CNTNAP2: variants seen among roughly 807,000 people sequenced by gnomAD.
The protein encoded by CNTNAP2 is contactin associated protein 2.
CNTNAP2 carries 98 observed loss-of-function variants against 155.2 expected under a neutral mutation model. That is an observed-to-expected ratio of 0.63 (90% confidence interval 0.54 to 0.75). The LOEUF (loss-of-function observed/expected upper bound fraction) is 0.75, where lower values mean the gene tolerates loss of function less well. CNTNAP2 is among the 30% of genes least tolerant of loss of function. The pLI, the probability that CNTNAP2 is intolerant of heterozygous loss-of-function variation, is 0.00. For synonymous variants in CNTNAP2, 651 were observed against 631.2 expected (o/e 1.03, Z -0.47); for missense variants, 1,727 against 1,688.1 (o/e 1.02, Z -0.40).
At chr7:146,946,727 A>T (rs1797183871) in intron 3 of CNTNAP2, among the ~76,000 whole-genome samples, 1 of 149,076 alleles carries the variant, frequency 6.7e-6, no homozygotes, top group African/African-American at 2.6e-5. Context: ...AAGGAGAAGT[A>T]AATTTATTCC....
intron 14 of CNTNAP2, among the ~76,000 whole-genome samples, chr7:147,962,053 T>C (rs1041335669): frequency 9.1e-5 from 6 of 66,012 alleles, no homozygotes; most frequent in Admixed American, 5.9e-4. Flanking sequence ...TATTCAGTTA[T>C]AAATAAACTA....
chr7:146,193,846 T>G (rs1798740982), intron 1 of CNTNAP2, among the ~76,000 whole-genome samples: 1 of 152,224 alleles, frequency 6.6e-6, no homozygotes, highest in African/African-American at 2.4e-5. Flanking sequence ...TGCTTCCTCT[T>G]AATCACTTTG....
At chr7:146,731,435 C>T (rs1005118525) in intron 1 of CNTNAP2, among the ~76,000 whole-genome samples, 1 of 151,042 alleles carries the variant, frequency 6.6e-6, no homozygotes, top group Non-Finnish European at 1.5e-5. Flanking sequence ...TTAATATTTG[C>T]TTAACTGTTT....
chr7:147,287,099 C>T (rs770351986), intron 8 of CNTNAP2, among the ~76,000 whole-genome samples: 9 of 151,988 alleles, frequency 5.9e-5, no homozygotes, highest in African/African-American at 1.7e-4. Context: ...TTTGCAGTGG[C>T]GGAGACTACG....
chr7:147,712,465 T>C (rs1333000422), intron 13 of CNTNAP2, among the ~76,000 whole-genome samples: 1 of 152,194 alleles, frequency 6.6e-6, no homozygotes, highest in African/African-American at 2.4e-5. Context: ...ATTGCGGCAC[T>C]ATTCACAATA....
intron 1 of CNTNAP2, among the ~76,000 whole-genome samples, chr7:146,765,717 G>A (rs1485938469): frequency 2.0e-5 from 3 of 152,202 alleles, no homozygotes; most frequent in Admixed American, 6.5e-5. Context: ...AAACAAGACA[G>A]TGTGATAGAA....
intron 1 of CNTNAP2, among the ~76,000 whole-genome samples, chr7:146,390,240 G>A (rs1795520732): frequency 6.6e-6 from 1 of 151,844 alleles, no homozygotes; most frequent in South Asian, 2.1e-4. Context: ...GTAAATATTT[G>A]TAAATTTACT....
chr7:148,383,913 AG>A, intron 22 of CNTNAP2, 25 bp downstream of exon 22: 1 of 1,605,820 alleles, frequency 6.2e-7, no homozygotes, highest in Non-Finnish European at 8.5e-7. Context: ...AACCTCAGGC[AG>A]GTTGCTTCAT....
intron 14 of CNTNAP2, among the ~76,000 whole-genome samples, chr7:147,933,854 C>A (rs897511624): frequency 2.0e-5 from 3 of 152,066 alleles, no homozygotes; most frequent in Admixed American, 6.6e-5. Flanking sequence ...CAGAGTGAGA[C>A]TCTATCTCAA....
chr7:147,221,072 A>G (rs1243381088), intron 8 of CNTNAP2, among the ~76,000 whole-genome samples: 1 of 151,884 alleles, frequency 6.6e-6, no homozygotes, highest in African/African-American at 2.4e-5. Context: ...ATGCATTTAT[A>G]TATAATCCAA....
chr7:147,310,746 G>T (rs1479840), intron 9 of CNTNAP2, among the ~76,000 whole-genome samples: 74,593 of 151,930 alleles, frequency 0.49, 19,493 homozygotes, highest in East Asian at 0.73. Context: ...AAAATTCAAA[G>T]AGACATGTTA....
chr7:148,297,766 G>A (rs138332571), intron 21 of CNTNAP2, among the ~76,000 whole-genome samples: 18 of 152,212 alleles, frequency 1.2e-4, no homozygotes, highest in African/African-American at 3.9e-4. Flanking sequence ...GATCATTTTC[G>A]TGTTCTGGCC....
At chr7:147,354,187 G>A (rs1373762982) in intron 9 of CNTNAP2, among the ~76,000 whole-genome samples, 1 of 152,074 alleles carries the variant, frequency 6.6e-6, no homozygotes, top group East Asian at 1.9e-4. Context: ...TGCTGTTGGT[G>A]TTTTGGTCAT....
At chr7:146,571,925 G>A (rs1798447044) in intron 1 of CNTNAP2, among the ~76,000 whole-genome samples, 1 of 151,986 alleles carries the variant, frequency 6.6e-6, no homozygotes, top group South Asian at 2.1e-4. Context: ...TAGAGACAGG[G>A]TTTCACCGTT....
chr7:148,279,883 A>G (rs765434484), intron 21 of CNTNAP2, among the ~76,000 whole-genome samples: 1 of 152,246 alleles, frequency 6.6e-6, no homozygotes, highest in Non-Finnish European at 1.5e-5. Flanking sequence ...AAAAGGTTAC[A>G]TACCCAATGA....
intron 9 of CNTNAP2, among the ~76,000 whole-genome samples, chr7:147,394,928 A>G (rs1395091710): frequency 1.3e-5 from 2 of 151,238 alleles, no homozygotes; most frequent in African/African-American, 4.9e-5. Flanking sequence ...ATGGTATTTT[A>G]TATATACCAT....
intron 11 of CNTNAP2, among the ~76,000 whole-genome samples, chr7:147,522,542 A>AG (rs1211347189): frequency 2.6e-5 from 4 of 152,176 alleles, no homozygotes; most frequent in African/African-American, 9.6e-5. Flanking sequence ...AATTAAAAAA[A>AG]AATTTCAAGG....
At chr7:147,396,552 T>G (rs1284632770) in intron 10 of CNTNAP2, among the ~76,000 whole-genome samples, 1 of 151,962 alleles carries the variant, frequency 6.6e-6, no homozygotes, top group Admixed American at 6.6e-5. Context: ...GGGGAGAAAT[T>G]TTTAATAAAA....
At chr7:147,729,803 G>A (rs898248505) in intron 13 of CNTNAP2, among the ~76,000 whole-genome samples, 7 of 152,028 alleles carry the variant, frequency 4.6e-5, no homozygotes, top group Admixed American at 1.3e-4. Flanking sequence ...TCAGATTTAG[G>A]TGTTGAAGGG....
Sources: gnomAD v4.1 joint callset for allele counts (sites outside exome capture counted in the v4.1 genomes callset) on GRCh38, gnomAD v4.1.1 for gene constraint, MANE v1.5 for transcripts, NCBI Gene and HGNC (gene_info 2026-07-23, HGNC 2026-07-21) for gene names.